BRAF: variants seen among roughly 807,000 people sequenced by gnomAD.
BRAF encodes serine/threonine-protein kinase B-raf.
Under a neutral mutation model 104.6 loss-of-function variants are expected in BRAF, and 16 were observed. The ratio of observed to expected loss-of-function variants is 0.15; its 90% CI spans 0.10 to 0.23. The LOEUF is 0.23. Ranked by LOEUF, BRAF falls within the 10% of genes least tolerant of loss-of-function variation. The pLI is 1.00. For synonymous variants in BRAF, 310 were observed against 341.6 expected (o/e 0.91, Z 1.02); for missense variants, 541 against 937.3 (o/e 0.58, Z 5.52).
At chr7:140,910,053 C>G (rs1270976060) in intron 1 of BRAF, among the ~76,000 whole-genome samples, 2 of 151,754 alleles carry the variant, frequency 1.3e-5, no homozygotes, top group Admixed American at 6.6e-5. Context: ...TAATAGTGTC[C>G]TCTTCCTCCA....
At chr7:140,808,278 G>C (rs1213098244) in intron 4 of BRAF, 1 of 504,696 alleles carries the variant, frequency 2.0e-6, no homozygotes, top group East Asian at 5.1e-5. Context: ...GCAGGGTAAA[G>C]AGATGTACTC....
At chr7:140,827,669 T>C (rs1362784424) in intron 3 of BRAF, among the ~76,000 whole-genome samples, 4 of 152,340 alleles carry the variant, frequency 2.6e-5, no homozygotes, top group African/African-American at 9.6e-5. Context: ...TTCCCACACA[T>C]TGATATTCAC....
intron 2 of BRAF, among the ~76,000 whole-genome samples, chr7:140,843,758 C>A (rs1808244556): frequency 6.6e-6 from 1 of 152,132 alleles, no homozygotes; most frequent in Admixed American, 6.5e-5. Flanking sequence ...ATAATCCCAG[C>A]ACTTTGGGAG....
At chr7:140,791,469 CAGAG>C (rs956802383) in intron 8 of BRAF, among the ~76,000 whole-genome samples, 1 of 152,190 alleles carries the variant, frequency 6.6e-6, no homozygotes, top group Non-Finnish European at 1.5e-5. Flanking sequence ...ATAAAGGAGA[CAGAG>C]AGTCTCTGCC....
rs1019959855 is a variant in BRAF, at chr7:140,721,075, TA to T, written c.*5418del. On this transcript the variant is annotated 3_prime_UTR_variant, in exon 20 of 20. Coordinates refer to ENST00000644969, the MANE Select transcript of BRAF (RefSeq NM_001374258.1). ...GAGCACTTCTATCTACAGAATTCTT[TA>T]AAAAAAAATGCACCTCTAAAAAATG... is the stretch of plus-strand genomic sequence containing the variant. 138 of 1,053,030 alleles carry T rather than the reference TA, an allele frequency of 1.3e-4. No homozygotes were observed. Among genetic ancestry groups the T allele is most frequent in the Middle Eastern group, 8.5e-4 (2 of 2,358 alleles). The allele number at this position is 1,053,030 out of a possible 1,614,324, so 65.2% of individuals were successfully genotyped here.
At chr7:140,787,173 C>T (rs1478808174) in intron 9 of BRAF, among the ~76,000 whole-genome samples, 1 of 151,598 alleles carries the variant, frequency 6.6e-6, no homozygotes, top group East Asian at 1.9e-4. Flanking sequence ...TGGTAGCAGG[C>T]GCCTGTAGTC....
intron 1 of BRAF, among the ~76,000 whole-genome samples, chr7:140,922,100 A>G (rs906745594): frequency 6.6e-6 from 1 of 152,214 alleles, no homozygotes; most frequent in Admixed American, 6.5e-5. Context: ...AAATACATTT[A>G]TTATCAGTTC....
chr7:140,910,460 T>A (rs768976707), intron 1 of BRAF, among the ~76,000 whole-genome samples: 5 of 152,186 alleles, frequency 3.3e-5, no homozygotes, highest in African/African-American at 4.8e-5. Context: ...TGTTATTGTT[T>A]AGAAGACTTT....
At chr7:140,714,161 TTCTGCA>T in the BRAF span, among the ~76,000 whole-genome samples, 2 of 152,180 alleles carry the variant, frequency 1.3e-5, no homozygotes, top group Non-Finnish European at 2.9e-5. Flanking sequence ...ATCACCCATC[TTCTGCA>T]TCGCTCACGC....
At chr7:140,890,171 A>G (rs989795033) in intron 1 of BRAF, among the ~76,000 whole-genome samples, 6 of 152,240 alleles carry the variant, frequency 3.9e-5, no homozygotes, top group South Asian at 2.1e-4. Context: ...AGATTTGACC[A>G]GAGAATCAAA....
intron 19 of BRAF, among the ~76,000 whole-genome samples, chr7:140,729,722 T>C (rs1795829817): frequency 6.6e-6 from 1 of 151,826 alleles, no homozygotes; most frequent in African/African-American, 2.4e-5. Context: ...AGGCTGCAGT[T>C]AGCTGAGCTC....
At chr7:140,875,770 A>C (rs1178656670) in intron 1 of BRAF, among the ~76,000 whole-genome samples, 9 of 152,264 alleles carry the variant, frequency 5.9e-5, no homozygotes, top group Admixed American at 5.9e-4. Flanking sequence ...GAAACCATGA[A>C]GGCCAGAAGG....
At chr7:140,885,675 A>G (rs924584651) in intron 1 of BRAF, among the ~76,000 whole-genome samples, 1 of 152,254 alleles carries the variant, frequency 6.6e-6, no homozygotes, top group Non-Finnish European at 1.5e-5. Flanking sequence ...ATGTCTACAC[A>G]TAGTACCTGG....
chr7:140,753,746 G>A (rs1797975357), intron 15 of BRAF: 1 of 301,578 alleles, frequency 3.3e-6, no homozygotes, highest in African/African-American at 2.2e-5. Flanking sequence ...CTCTTCATTG[G>A]AATGAAGATG....
chr7:140,714,120 C>A, the BRAF span, among the ~76,000 whole-genome samples: 17 of 152,136 alleles, frequency 1.1e-4, no homozygotes, highest in Admixed American at 8.5e-4. Flanking sequence ...AGAACCACTA[C>A]TCTCTTCAAA....
chr7:140,803,877 T>G (rs755981808), intron 5 of BRAF, among the ~76,000 whole-genome samples: 4 of 152,170 alleles, frequency 2.6e-5, no homozygotes, highest in Non-Finnish European at 5.9e-5. Flanking sequence ...TTCTATTTCA[T>G]TATTTGTTCT....
At chr7:140,833,953 T>C (rs1017442257) in intron 3 of BRAF, 2 of 151,986 alleles carry the variant, frequency 1.3e-5, no homozygotes, top group Admixed American at 1.3e-4. Context: ...AGAAAAAAAA[T>C]GAAAAATTTT....
chr7:140,847,027 C>T (rs1048989147), intron 2 of BRAF, among the ~76,000 whole-genome samples: 1 of 152,078 alleles, frequency 6.6e-6, no homozygotes, highest in African/African-American at 2.4e-5. Flanking sequence ...TCATAACGCA[C>T]ACCTGTAATC....
At chr7:140,769,435 T>C (rs1277896387) in intron 14 of BRAF, among the ~76,000 whole-genome samples, 2 of 152,210 alleles carry the variant, frequency 1.3e-5, no homozygotes, top group East Asian at 3.9e-4. Context: ...ACTATGTTAC[T>C]TGATCTTTGC....
Sources: gnomAD v4.1 joint callset for allele counts (sites outside exome capture counted in the v4.1 genomes callset) on GRCh38, gnomAD v4.1.1 for gene constraint, MANE v1.5 for transcripts, NCBI Gene and HGNC (gene_info 2026-07-23, HGNC 2026-07-21) for gene names.